Variants in BAZ2B observed in about 807,000 individuals in gnomAD.
BAZ2B encodes bromodomain adjacent to zinc finger domain 2B, also known as bromodomain adjacent to zinc finger domain protein 2B.
In BAZ2B, 91 loss-of-function variants were observed where a neutral mutation model predicts 246.0. The observed-to-expected ratio is 0.37, with a 90% confidence interval of 0.31 to 0.44. The LOEUF (loss-of-function observed/expected upper bound fraction) is 0.44. Ranked by LOEUF, BAZ2B falls within the 20% of genes least tolerant of loss-of-function variation. The probability of loss-of-function intolerance (pLI) is 1.00; values close to 1 mark genes in which losing one functional copy is unlikely to be tolerated. For missense variants in BAZ2B, 2,332 were observed against 2,533.7 expected, an observed-to-expected ratio of 0.92 and a Z score of 1.71; for synonymous variants, 855 against 860.0, an observed-to-expected ratio of 0.99 and a Z score of 0.10.
intron 2 of BAZ2B, among the ~76,000 whole-genome samples, chr2:159,538,939 G>T (rs1322167287): frequency 2.6e-5 from 4 of 152,156 alleles, no homozygotes; most frequent in African/African-American, 9.7e-5. Flanking sequence ...TGTGTCTTAA[G>T]ACAGATACTA....
intron 2 of BAZ2B, among the ~76,000 whole-genome samples, chr2:159,481,724 T>C (rs565356467): frequency 3.2e-4 from 48 of 151,338 alleles, no homozygotes; most frequent in South Asian, 1.7e-3. Flanking sequence ...CAGACCCAAA[T>C]TGAAAAACCA....
intron 24 of BAZ2B, among the ~76,000 whole-genome samples, 184 bp from the exon 25 acceptor site, chr2:159,382,986 C>G (rs1322226689): frequency 6.6e-6 from 1 of 151,934 alleles, no homozygotes; most frequent in Non-Finnish European, 1.5e-5. Flanking sequence ...TTACAGGATG[C>G]ATTCACTTTC....
intron 19 of BAZ2B, 24 bp downstream of exon 19, chr2:159,397,321 T>C (rs753265031): frequency 2.0e-5 from 29 of 1,470,546 alleles, no homozygotes; most frequent in Admixed American, 8.4e-5. Context: ...CATTCAACAA[T>C]TGTATAACTA....
intron 2 of BAZ2B, among the ~76,000 whole-genome samples, chr2:159,521,712 A>T (rs2151265168): frequency 6.6e-6 from 1 of 152,072 alleles, no homozygotes; most frequent in East Asian, 1.9e-4. Flanking sequence ...TTTATTTTCA[A>T]TGTAAATTCC....
intron 25 of BAZ2B, among the ~76,000 whole-genome samples, chr2:159,382,021 A>C (rs1322483627): frequency 6.6e-6 from 1 of 152,178 alleles, no homozygotes; most frequent in African/African-American, 2.4e-5. Flanking sequence ...GCACATTGTC[A>C]ATACCCCTCT....
chr2:159,567,009 TGAGGC>T (rs78464776), intron 1 of BAZ2B, among the ~76,000 whole-genome samples: 3,123 of 152,218 alleles, frequency 0.021, 64 homozygotes, highest in South Asian at 0.087. Flanking sequence ...TTTGGGAAGC[TGAGGC>T]GAGTGATCAC....
intron 30 of BAZ2B, 37 bp downstream of exon 30, chr2:159,348,641 G>C: frequency 6.4e-7 from 1 of 1,560,126 alleles, no homozygotes; most frequent in East Asian, 2.2e-5. Context: ...TCATAACTAA[G>C]CAAGAAAGAA....
the BAZ2B span, among the ~76,000 whole-genome samples, chr2:159,656,035 T>C: frequency 6.6e-6 from 1 of 152,192 alleles, no homozygotes; most frequent in Non-Finnish European, 1.5e-5. Flanking sequence ...GTTTTGACTT[T>C]TAGAGAGCAT....
intron 27 of BAZ2B, among the ~76,000 whole-genome samples, chr2:159,360,463 A>G (rs1456909593): frequency 2.0e-5 from 3 of 152,236 alleles, no homozygotes; most frequent in African/African-American, 7.2e-5. Context: ...GAGGACACAA[A>G]CAAATGAAAA....
intron 3 of BAZ2B, among the ~76,000 whole-genome samples, chr2:159,466,765 A>T (rs981514668): frequency 6.6e-6 from 1 of 152,172 alleles, no homozygotes; most frequent in Non-Finnish European, 1.5e-5. Context: ...ACGGAAGAAG[A>T]CTGATGTCCT....
intron 27 of BAZ2B, among the ~76,000 whole-genome samples, chr2:159,365,188 T>C (rs536031209): frequency 1.4e-4 from 22 of 152,272 alleles, no homozygotes; most frequent in African/African-American, 5.1e-4. Flanking sequence ...CCATGTAGAA[T>C]GGTATTGCCA....
intron 27 of BAZ2B, among the ~76,000 whole-genome samples, chr2:159,351,385 C>T (rs1487011673): frequency 1.3e-5 from 2 of 151,960 alleles, no homozygotes; most frequent in African/African-American, 2.4e-5. Context: ...AATAATAGGT[C>T]CCAATTATTC....
At chr2:159,567,914 G>A (rs1177464820) in intron 1 of BAZ2B, among the ~76,000 whole-genome samples, 1 of 152,174 alleles carries the variant, frequency 6.6e-6, no homozygotes, top group African/African-American at 2.4e-5. Flanking sequence ...GGAGGTTGCC[G>A]TGAGCCAAGA....
At chr2:159,667,152 GT>G in the BAZ2B span, among the ~76,000 whole-genome samples, 58,981 of 145,504 alleles carry the variant, frequency 0.41, 12,361 homozygotes, top group African/African-American at 0.51. Context: ...TTTTTCTCCT[GT>G]TTTTTTTTTT....
At chr2:159,523,620 G>A (rs1219124210) in intron 2 of BAZ2B, among the ~76,000 whole-genome samples, 1 of 151,544 alleles carries the variant, frequency 6.6e-6, no homozygotes, top group East Asian at 1.9e-4. Context: ...GGAAGAACTG[G>A]TTGAACCCGG....
chr2:159,459,268 T>C (rs946276522), intron 3 of BAZ2B: 1 of 152,224 alleles, frequency 6.6e-6, no homozygotes, highest in Non-Finnish European at 1.5e-5. Flanking sequence ...CAAACTGTTA[T>C]CAGTTGGCAG....
intron 27 of BAZ2B, among the ~76,000 whole-genome samples, chr2:159,357,379 A>G (rs912516605): frequency 2.0e-5 from 3 of 151,994 alleles, no homozygotes; most frequent in African/African-American, 7.2e-5. Flanking sequence ...TCAATGATTG[A>G]ATATCAACTT....
At chr2:159,545,590 A>T (rs2151412404) in intron 2 of BAZ2B, among the ~76,000 whole-genome samples, 1 of 152,372 alleles carries the variant, frequency 6.6e-6, no homozygotes, top group Middle Eastern at 3.4e-3. Context: ...TCCTTATATT[A>T]CACTTTGCAC....
chr2:159,477,234 G>C (rs2078693489), intron 3 of BAZ2B, among the ~76,000 whole-genome samples: 1 of 152,094 alleles, frequency 6.6e-6, no homozygotes, highest in African/African-American at 2.4e-5. Context: ...GAACCCAGGT[G>C]GTGGAGCTTG....
Sources: gnomAD v4.1 joint callset for allele counts (sites outside exome capture counted in the v4.1 genomes callset) on GRCh38, gnomAD v4.1.1 for gene constraint, MANE v1.5 for transcripts, NCBI Gene and HGNC (gene_info 2026-07-23, HGNC 2026-07-21) for gene names.